The following TC2N variants were observed in gnomAD, a reference collection of about 807,000 sequenced individuals.
The protein encoded by TC2N is tandem C2 domains nuclear protein.
TC2N carries 51 observed loss-of-function variants against 61.9 expected under a neutral mutation model. That is an observed-to-expected ratio of 0.82 (90% confidence interval 0.66 to 1.04). The LOEUF (loss-of-function observed/expected upper bound fraction) is 1.04. Ranked by LOEUF, TC2N falls within the 50% of genes least tolerant of loss-of-function variation. The probability of loss-of-function intolerance (pLI) is 0.00; values close to 1 mark genes in which losing one functional copy is unlikely to be tolerated. For synonymous variants in TC2N, 204 were observed against 192.6 expected (o/e 1.06, Z -0.49); for missense variants, 556 against 566.7 (o/e 0.98, Z 0.19).
chr14:91,783,003 A>G lies in TC2N; in HGVS notation c.*97T>C. On this transcript the variant is annotated 3_prime_UTR_variant, in exon 12 of 12. Transcript: ENST00000435962. ...ATAATTATAGCCCCCATAAATTGACAAATTTGTTGATTTGCCTCTTCTCAT... is the reference window on the plus strand; with the variant it reads ...ATAATTATAGCCCCCATAAATTGACGAATTTGTTGATTTGCCTCTTCTCAT... 1 of 748,820 alleles carries G rather than the reference A, an allele frequency of 1.3e-6. No individual in the cohort carries two copies. Among genetic ancestry groups the G allele is most frequent in the East Asian group, 2.6e-5 (1 of 38,886 alleles). The allele number at this position is 748,820 out of a possible 1,614,324, so 46.4% of individuals were successfully genotyped here.
intron 1 of TC2N, among the ~76,000 whole-genome samples, chr14:91,828,091 C>T (rs1887581540): frequency 6.6e-6 from 1 of 152,160 alleles, no homozygotes; most frequent in African/African-American, 2.4e-5. Flanking sequence ...TGTTCATGTA[C>T]AATCACATTC....
intron 1 of TC2N, among the ~76,000 whole-genome samples, chr14:91,860,913 AT>A (rs1189408695): frequency 6.6e-6 from 1 of 152,228 alleles, no homozygotes; most frequent in Non-Finnish European, 1.5e-5. Flanking sequence ...TTACAAGGCA[AT>A]TAAGGGTTCT....
chr14:91,797,750 A>T (rs772651803), intron 8 of TC2N, 35 bp downstream of exon 8: 1 of 1,261,986 alleles, frequency 7.9e-7, no homozygotes, highest in Non-Finnish European at 1.1e-6. Context: ...AAAAAAAAAA[A>T]CAGAAAAGAA....
At position 91,867,370 on chromosome 14, in the gene TC2N, C is replaced by G. The variant is rs142084184; in HGVS notation, c.-165G>C. ...ATCCTTCTTCCCAGCCCCTGAGTCT[C>G]CCTACACAGCAGGGACCCAGGCTCA... is the stretch of plus-strand genomic sequence containing the variant. On this transcript the variant is annotated 5_prime_UTR_variant, in exon 1 of 12. Transcript: ENST00000435962. The G allele has an allele frequency of 6.6e-6, 1 of 152,390 alleles. No individual in the cohort carries two copies. The highest frequency in any genetic ancestry group is 1.5e-5 in the Non-Finnish European group (1 of 68,114). 9.4% of individuals were successfully genotyped at this position (152,390 alleles called of 1,614,324 possible).
intron 2 of TC2N, among the ~76,000 whole-genome samples, chr14:91,813,233 T>C (rs941408930): frequency 2.7e-4 from 41 of 151,768 alleles, no homozygotes; most frequent in Non-Finnish European, 7.4e-5. Flanking sequence ...TCTTCATAGT[T>C]ATGAGTCTCT....
At chr14:91,819,858 T>C (rs888918698) in intron 1 of TC2N, among the ~76,000 whole-genome samples, 1 of 152,092 alleles carries the variant, frequency 6.6e-6, no homozygotes, top group Non-Finnish European at 1.5e-5. Context: ...GTTAAAGATA[T>C]ATACTATAAA....
intron 1 of TC2N, among the ~76,000 whole-genome samples, chr14:91,841,703 G>T (rs1413253262): frequency 6.6e-6 from 1 of 152,180 alleles, no homozygotes; most frequent in African/African-American, 2.4e-5. Flanking sequence ...GACATGTGCG[G>T]CTTCCTAGAA....
chr14:91,815,052 C>T (rs566594568), intron 1 of TC2N, among the ~76,000 whole-genome samples: 1 of 151,224 alleles, frequency 6.6e-6, no homozygotes, highest in East Asian at 1.9e-4. Flanking sequence ...TAGGAGAACA[C>T]AGGGATAAAT....
chr14:91,799,105 A>C (rs772684144), intron 5 of TC2N, 41 bp from the exon 6 acceptor site: 44 of 1,327,154 alleles, frequency 3.3e-5, no homozygotes, highest in Non-Finnish European at 4.5e-5. Context: ...TTGCATATGA[A>C]ACCTTAAGGA....
At chr14:91,864,182 C>T (rs560083985) in intron 1 of TC2N, among the ~76,000 whole-genome samples, 3 of 152,172 alleles carry the variant, frequency 2.0e-5, no homozygotes, top group Non-Finnish European at 2.9e-5. Flanking sequence ...CCAAACATCT[C>T]GCAACTCTAA....
At chr14:91,855,778 G>A (rs1049693518) in intron 1 of TC2N, among the ~76,000 whole-genome samples, 4 of 152,280 alleles carry the variant, frequency 2.6e-5, no homozygotes, top group East Asian at 1.9e-4. Flanking sequence ...TGGATGGTGC[G>A]GGGCGAGGGG....
At chr14:91,855,081 G>A (rs1334403032) in intron 1 of TC2N, among the ~76,000 whole-genome samples, 1 of 152,144 alleles carries the variant, frequency 6.6e-6, no homozygotes, top group African/African-American at 2.4e-5. Context: ...GTAGAAAGAG[G>A]AGATGAAGAA....
At chr14:91,843,150 G>C (rs1475415345) in intron 1 of TC2N, among the ~76,000 whole-genome samples, 1 of 152,126 alleles carries the variant, frequency 6.6e-6, no homozygotes, top group Non-Finnish European at 1.5e-5. Context: ...CCCTAAAGCA[G>C]AGTCATGCCA....
Position 91,782,832 on chromosome 14 carries a change from T to C in TC2N, c.*268A>G. 1 of 343,648 alleles carries C rather than the reference T, an allele frequency of 2.9e-6. No individual in the cohort carries two copies. The highest frequency in any genetic ancestry group is 5.3e-6 in the Non-Finnish European group (1 of 189,876). The allele number at this position is 343,648 out of a possible 1,614,324, so 21.3% of individuals were successfully genotyped here. A position where few individuals can be genotyped will look rare whatever the true frequency, so the allele number is the denominator to read the frequency against. Reference sequence around the variant, plus strand: ...CTATGGTTGATATTCTCACAGACTTTATAATTTATTTAGTCATCCTAATAA... The same window carrying C: ...CTATGGTTGATATTCTCACAGACTTCATAATTTATTTAGTCATCCTAATAA... On this transcript the variant is annotated 3_prime_UTR_variant, in exon 12 of 12. Coordinates refer to ENST00000435962, the MANE Select transcript of TC2N (RefSeq NM_001128596.3).
chr14:91,799,213 GAAAAAA>G, intron 5 of TC2N, 149 bp from the exon 6 acceptor site: 2 of 392,972 alleles, frequency 5.1e-6, no homozygotes, highest in East Asian at 4.1e-5. Flanking sequence ...ACAGGTAGTG[GAAAAAA>G]AAAAAAAAAG....
At chr14:91,853,927 G>GT (rs1459887164) in intron 1 of TC2N, among the ~76,000 whole-genome samples, 1 of 151,894 alleles carries the variant, frequency 6.6e-6, no homozygotes, top group Non-Finnish European at 1.5e-5. Context: ...AAAAAAAAAA[G>GT]TAAGTACTGA....
chr14:91,849,906 G>A (rs943046927), intron 1 of TC2N, among the ~76,000 whole-genome samples: 1 of 152,050 alleles, frequency 6.6e-6, no homozygotes, highest in Admixed American at 6.6e-5. Flanking sequence ...AAAATTAGCT[G>A]GGCGTGGTGG....
intron 3 of TC2N, among the ~76,000 whole-genome samples, chr14:91,810,851 G>C (rs918140368): frequency 1.3e-5 from 2 of 149,672 alleles, no homozygotes; most frequent in Non-Finnish European, 3.0e-5. Context: ...CTAAAGAACA[G>C]AGAAAAAAAG....
At chr14:91,855,604 T>A (rs1566790973) in intron 1 of TC2N, among the ~76,000 whole-genome samples, 1 of 152,248 alleles carries the variant, frequency 6.6e-6, no homozygotes, top group Non-Finnish European at 1.5e-5. Context: ...TAATTACATG[T>A]GCAAAGATCC....
Sources: allele counts gnomAD v4.1 joint callset (sites outside exome capture counted in the v4.1 genomes callset), GRCh38; gene constraint gnomAD v4.1.1; transcripts MANE v1.5; gene names NCBI Gene and HGNC (gene_info 2026-07-23, HGNC 2026-07-21).